SGCZ: variants seen among roughly 807,000 people sequenced by gnomAD.
The protein encoded by SGCZ is sarcoglycan zeta.
SGCZ carries 40 observed loss-of-function variants against 41.3 expected under a neutral mutation model. The observed-to-expected ratio is 0.97, with a 90% CI of 0.75 to 1.26. The LOEUF (loss-of-function observed/expected upper bound fraction) is 1.26. Ranked by LOEUF, SGCZ falls within the 50% of genes most tolerant of loss-of-function variation. SGCZ has a pLI of 0.00. For synonymous variants in SGCZ, 206 were observed against 137.5 expected, an observed-to-expected ratio of 1.50 and a Z score of -3.49; for missense variants, 552 against 369.8, an observed-to-expected ratio of 1.49 and a Z score of -4.04.
At chr8:15,081,889 G>T (rs374827164) in intron 1 of SGCZ, among the ~76,000 whole-genome samples, 6 of 152,160 alleles carry the variant, frequency 3.9e-5, no homozygotes, top group African/African-American at 1.4e-4. Flanking sequence ...GAAAACCAAA[G>T]TTGAACGAGG....
At chr8:14,593,013 T>A (rs140975977) in intron 1 of SGCZ, among the ~76,000 whole-genome samples, 3 of 152,152 alleles carry the variant, frequency 2.0e-5, no homozygotes, top group Non-Finnish European at 4.4e-5. Flanking sequence ...GCCTTTACAT[T>A]GGTACTGAAT....
intron 2 of SGCZ, among the ~76,000 whole-genome samples, chr8:14,352,339 T>C (rs961189997): frequency 1.3e-5 from 2 of 151,998 alleles, no homozygotes; most frequent in African/African-American, 4.8e-5. Context: ...TAGCTTATAT[T>C]AAGGGTAAAT....
intron 5 of SGCZ, among the ~76,000 whole-genome samples, chr8:14,141,563 A>G (rs1445797873): frequency 6.6e-6 from 1 of 152,246 alleles, no homozygotes; most frequent in Non-Finnish European, 1.5e-5. Context: ...ACACATGCAA[A>G]AAGGCTCATC....
At chr8:14,285,621 C>T (rs959821412) in intron 3 of SGCZ, among the ~76,000 whole-genome samples, 5 of 152,012 alleles carry the variant, frequency 3.3e-5, no homozygotes, top group Non-Finnish European at 5.9e-5. Flanking sequence ...TTAGAGAAAA[C>T]AGACCTAGAT....
At chr8:14,645,893 A>G (rs1414059520) in intron 1 of SGCZ, among the ~76,000 whole-genome samples, 1 of 151,418 alleles carries the variant, frequency 6.6e-6, no homozygotes, top group Non-Finnish European at 1.5e-5. Flanking sequence ...AGTGTTCCAT[A>G]ATGTACCTCA....
intron 1 of SGCZ, among the ~76,000 whole-genome samples, chr8:14,809,469 C>A (rs1458830177): frequency 2.0e-5 from 3 of 152,000 alleles, no homozygotes; most frequent in Non-Finnish European, 2.9e-5. Context: ...ACAAATCCAG[C>A]AAGAATTTTT....
intron 4 of SGCZ, among the ~76,000 whole-genome samples, chr8:14,210,494 C>T (rs1451397371): frequency 2.0e-5 from 3 of 149,674 alleles, no homozygotes; most frequent in African/African-American, 7.4e-5. Context: ...CAGAGTTTCA[C>T]TCTTGTTGCC....
At chr8:14,593,874 T>C (rs1379963911) in intron 1 of SGCZ, among the ~76,000 whole-genome samples, 1 of 152,034 alleles carries the variant, frequency 6.6e-6, no homozygotes, top group Non-Finnish European at 1.5e-5. Context: ...TAGGGAACTT[T>C]TTAATATACA....
intron 2 of SGCZ, among the ~76,000 whole-genome samples, chr8:14,498,893 C>T (rs1039688084): frequency 4.0e-5 from 6 of 151,368 alleles, no homozygotes; most frequent in Admixed American, 1.3e-4. Context: ...CAGGACATTT[C>T]GATGTCTTAG....
intron 1 of SGCZ, among the ~76,000 whole-genome samples, chr8:14,816,371 T>C (rs1251586198): frequency 6.6e-6 from 1 of 152,190 alleles, no homozygotes; most frequent in Non-Finnish European, 1.5e-5. Context: ...ATTAGTTAAG[T>C]GTGTTATGAG....
intron 1 of SGCZ, among the ~76,000 whole-genome samples, chr8:15,157,745 C>T (rs1423552193): frequency 6.6e-6 from 1 of 152,170 alleles, no homozygotes; most frequent in Non-Finnish European, 1.5e-5. Context: ...AGTACTAGAT[C>T]ATTGTGGACC....
chr8:14,656,451 C>A (rs1563182950), intron 1 of SGCZ, among the ~76,000 whole-genome samples: 1 of 146,110 alleles, frequency 6.8e-6, no homozygotes, highest in African/African-American at 2.6e-5. Context: ...TCCCTCCCTT[C>A]CTTCTTTTCT....
intron 2 of SGCZ, among the ~76,000 whole-genome samples, chr8:14,543,760 T>C (rs1342163246): frequency 1.3e-5 from 2 of 152,112 alleles, no homozygotes; most frequent in Non-Finnish European, 2.9e-5. Context: ...AATAAATGAA[T>C]AAATAATCTT....
intron 2 of SGCZ, among the ~76,000 whole-genome samples, chr8:14,460,079 T>G (rs1377383365): frequency 1.3e-5 from 2 of 152,314 alleles, no homozygotes; most frequent in Middle Eastern, 3.4e-3. Context: ...TAGTACCTAT[T>G]TAATTTTGCT....
chr8:14,971,560 C>T (rs969449322), intron 1 of SGCZ, among the ~76,000 whole-genome samples: 5 of 150,446 alleles, frequency 3.3e-5, no homozygotes, highest in African/African-American at 7.3e-5. Context: ...TACTAAATTA[C>T]GTAGATTGGT....
chr8:14,829,750 G>GT (rs138768888), intron 1 of SGCZ, among the ~76,000 whole-genome samples: 13 of 151,642 alleles, frequency 8.6e-5, no homozygotes, highest in African/African-American at 3.2e-4. Context: ...ATTATTTAAG[G>GT]GTTTTTTTAA....
intron 1 of SGCZ, among the ~76,000 whole-genome samples, chr8:14,569,563 G>T (rs1804486354): frequency 6.6e-6 from 1 of 152,104 alleles, no homozygotes; most frequent in Admixed American, 6.6e-5. Flanking sequence ...AGTGACATGA[G>T]CAAACAAAAA....
chr8:15,047,618 A>G (rs1482452713), intron 1 of SGCZ, among the ~76,000 whole-genome samples: 1 of 152,024 alleles, frequency 6.6e-6, no homozygotes, highest in African/African-American at 2.4e-5. Flanking sequence ...AGGAGTGTTT[A>G]TGCCAATGCA....
At chr8:14,513,629 A>T (rs993729664) in intron 2 of SGCZ, among the ~76,000 whole-genome samples, 1 of 149,648 alleles carries the variant, frequency 6.7e-6, no homozygotes, top group East Asian at 1.9e-4. Flanking sequence ...TATTTGATGC[A>T]TGTTCTTAAA....
Sources: gnomAD v4.1 joint callset for allele counts (sites outside exome capture counted in the v4.1 genomes callset) on GRCh38, gnomAD v4.1.1 for gene constraint, MANE v1.5 for transcripts, NCBI Gene and HGNC (gene_info 2026-07-23, HGNC 2026-07-21) for gene names.